NOL4L: variants seen among roughly 807,000 people sequenced by gnomAD.
NOL4L encodes nucleolar protein 4-like.
A neutral mutation model predicts 64.5 loss-of-function variants in NOL4L; 7 were observed. That is an observed-to-expected ratio of 0.11 (90% CI 0.06 to 0.20). NOL4L has a LOEUF of 0.20. Ranked by LOEUF, NOL4L falls within the 10% of genes least tolerant of loss-of-function variation. The pLI is 1.00. For synonymous variants in NOL4L, 413 were observed against 401.0 expected (o/e 1.03, Z -0.36); for missense variants, 680 against 967.1 (o/e 0.70, Z 3.94).
chr20:32,473,830 C>G (rs2015197272), intron 5 of NOL4L, among the ~76,000 whole-genome samples: 1 of 152,218 alleles, frequency 6.6e-6, no homozygotes. Context: ...ATCCCTGCCC[C>G]CAACCATCTC....
intron 4 of NOL4L, among the ~76,000 whole-genome samples, chr20:32,482,989 G>A (rs1213955837): frequency 6.6e-6 from 1 of 150,908 alleles, no homozygotes; most frequent in Non-Finnish European, 1.5e-5. Flanking sequence ...CACAATCACC[G>A]CCCCCCAGGA....
At chr20:32,571,497 ATGTCCGGC>A (rs1979743888) in intron 1 of NOL4L, among the ~76,000 whole-genome samples, 1 of 152,194 alleles carries the variant, frequency 6.6e-6, no homozygotes, top group South Asian at 2.1e-4. Context: ...GTGAGCCACC[ATGTCCGGC>A]CAACTGCCGG....
At chr20:32,544,209 T>TG (rs1319965710) in intron 1 of NOL4L, among the ~76,000 whole-genome samples, 1 of 145,294 alleles carries the variant, frequency 6.9e-6, no homozygotes, top group Non-Finnish European at 1.5e-5. Flanking sequence ...AGGGAAGCCA[T>TG]GGGGAGGCAG....
intron 4 of NOL4L, among the ~76,000 whole-genome samples, chr20:32,476,011 G>A (rs1307190927): frequency 6.6e-6 from 1 of 152,120 alleles, no homozygotes; most frequent in East Asian, 1.9e-4. Context: ...TGTGACGCCT[G>A]TAGTCCCCAC....
chr20:32,527,617 C>T, intron 2 of NOL4L, 141 bp downstream of exon 2: 2 of 973,312 alleles, frequency 2.1e-6, no homozygotes, highest in Non-Finnish European at 2.9e-6. Flanking sequence ...TGCCCTTGCC[C>T]TGTGCCCCCC....
Position 32,447,361 on chromosome 20 carries a change from G to T in NOL4L, c.*235C>A. 1.7e-6 allele frequency: 1 copy of T among 596,036 alleles called. No individual in the cohort carries two copies. Among genetic ancestry groups the T allele is most frequent in the Non-Finnish European group, 2.9e-6 (1 of 346,890 alleles). The allele number at this position is 596,036 out of a possible 1,614,324, so 36.9% of individuals were successfully genotyped here. Reference sequence around the variant, plus strand: ...CCAACCCTTCCAGAGCTGCCCCGTTGGCCTCTTCCAAGCAGGTCAGAGCAC... The same window carrying T: ...CCAACCCTTCCAGAGCTGCCCCGTTTGCCTCTTCCAAGCAGGTCAGAGCAC... On this transcript the variant is annotated 3_prime_UTR_variant, in exon 11 of 11. Coordinates refer to ENST00000621426, the MANE Select transcript of NOL4L (RefSeq NM_001256798.2).
intron 1 of NOL4L, among the ~76,000 whole-genome samples, chr20:32,550,917 G>T (rs1303972703): frequency 6.7e-5 from 10 of 149,114 alleles, no homozygotes; most frequent in Non-Finnish European, 4.4e-5. Flanking sequence ...AAAGTTAGGC[G>T]TGGTGGTGGG....
intron 4 of NOL4L, among the ~76,000 whole-genome samples, chr20:32,504,259 C>T (rs1430931732): frequency 2.0e-5 from 3 of 152,118 alleles, no homozygotes; most frequent in Non-Finnish European, 4.4e-5. Flanking sequence ...TACTCTTTAA[C>T]TTTAAAGAAA....
At chr20:32,488,757 TCC>T (rs2016217219) in intron 4 of NOL4L, among the ~76,000 whole-genome samples, 2 of 53,132 alleles carry the variant, frequency 3.8e-5, no homozygotes, top group African/African-American at 2.8e-4. Flanking sequence ...TTTCCTTCCT[TCC>T]TTCCTTCCTT....
At chr20:32,512,437 A>C (rs988337425) in intron 3 of NOL4L, among the ~76,000 whole-genome samples, 1 of 152,016 alleles carries the variant, frequency 6.6e-6, no homozygotes, top group Admixed American at 6.6e-5. Flanking sequence ...GTAGCCCCCA[A>C]ATTCTGGTTC....
chr20:32,447,253 T>C lies in NOL4L; in HGVS notation c.*343A>G, dbSNP rs1409044612. 2 of 531,722 alleles carry C rather than the reference T, an allele frequency of 3.8e-6. No individual in the cohort carries two copies. Among genetic ancestry groups the C allele is most frequent in the South Asian group, 1.5e-5 (1 of 65,276 alleles). The allele number at this position is 531,722 out of a possible 1,614,324, so 32.9% of individuals were successfully genotyped here. ...TCACCTAAGACTTGAAAGGTAATTA[T>C]CTGGGGGTGGGATTCTAACATCAGG... is the stretch of plus-strand genomic sequence containing the variant. On this transcript the variant is annotated 3_prime_UTR_variant, in exon 11 of 11. Coordinates refer to ENST00000621426, the MANE Select transcript of NOL4L (RefSeq NM_001256798.2).
At chr20:32,552,761 G>GGGA (rs1242606295) in intron 1 of NOL4L, among the ~76,000 whole-genome samples, 1 of 152,206 alleles carries the variant, frequency 6.6e-6, no homozygotes, top group Non-Finnish European at 1.5e-5. Context: ...CCAGCACTTT[G>GGGA]GGAGGCCAAG....
rs775877396 is a variant in NOL4L, at chr20:32,447,552, A to ACAGC, written c.*40_*43dup. The ACAGC allele has an allele frequency of 7.8e-6, 12 of 1,543,522 alleles. No individual in the cohort carries two copies. The African/African-American group carries it at 1.5e-4, about 19-fold the overall frequency. ...GGCAGGAAGCCAGGTCCAGGCTGGGACAGCCTCCTTCCCTAGGGCAGTGCG... is the reference window on the plus strand; with the variant it reads ...GGCAGGAAGCCAGGTCCAGGCTGGGACAGCCAGCCTCCTTCCCTAGGGCAGTGCG... On this transcript the variant is annotated 3_prime_UTR_variant, in exon 11 of 11. Transcript: ENST00000621426.
intron 4 of NOL4L, chr20:32,486,619 T>C (rs1568644765): frequency 1.4e-5 from 6 of 441,182 alleles, no homozygotes. Flanking sequence ...GAGCAGACAC[T>C]GTTCAAGCAC....
In NOL4L at chr20:32,526,787, G is replaced by A. The variant is rs1443916520; in HGVS notation, c.477+971C>T. On this transcript the variant is annotated intron_variant, in intron 2 of 10. Transcript: ENST00000621426. ...CTGTGAAATGGGTCCTCAGTGCCTC[G>A]GTCACAGGACTGCATCAAGGCTTGA... Among the ~76,000 whole-genome samples the A allele has an allele frequency of 2.6e-5, 4 of 152,140 alleles. No homozygotes were observed. In the South Asian group the frequency reaches 8.3e-4, roughly 31 times the overall value.
chr20:32,467,286 C>T (rs2014637423), intron 5 of NOL4L, among the ~76,000 whole-genome samples: 1 of 152,054 alleles, frequency 6.6e-6, no homozygotes, highest in African/African-American at 2.4e-5. Flanking sequence ...CTGGCATTTG[C>T]CAGATTGAGA....
chr20:32,577,561 T>C (rs1385444673), intron 1 of NOL4L, among the ~76,000 whole-genome samples: 2 of 152,224 alleles, frequency 1.3e-5, no homozygotes, highest in Non-Finnish European at 2.9e-5. Context: ...CCATGACTTC[T>C]GGTGCCAGGT....
intron 4 of NOL4L, among the ~76,000 whole-genome samples, chr20:32,498,292 A>T (rs1316646803): frequency 6.6e-6 from 1 of 152,172 alleles, no homozygotes. Flanking sequence ...TTCTGTGAGA[A>T]TTTGGAAATT....
At chr20:32,546,965 T>A (rs1173214490) in intron 1 of NOL4L, among the ~76,000 whole-genome samples, 1 of 152,238 alleles carries the variant, frequency 6.6e-6, no homozygotes, top group Non-Finnish European at 1.5e-5. Context: ...TGAGTCCTCC[T>A]GGTCCTCCAG....
Sources: allele counts gnomAD v4.1 joint callset (sites outside exome capture counted in the v4.1 genomes callset), GRCh38; gene constraint gnomAD v4.1.1; transcripts MANE v1.5; gene names NCBI Gene and HGNC (gene_info 2026-07-23, HGNC 2026-07-21).